CSMD3: variants seen among roughly 807,000 people sequenced by gnomAD.
CSMD3 encodes the protein CUB and sushi domain-containing protein 3.
A neutral mutation model predicts 435.2 loss-of-function variants in CSMD3; 177 were observed. That is an observed-to-expected ratio of 0.41 (90% CI 0.36 to 0.46). The LOEUF (loss-of-function observed/expected upper bound fraction) is 0.46, where lower values mean the gene tolerates loss of function less well. Among genes scored for constraint, CSMD3 ranks in the 20% least tolerant of loss-of-function variants. The pLI, the probability that CSMD3 is intolerant of heterozygous loss-of-function variation, is 0.34. For missense variants in CSMD3, 4,265 were observed against 4,504.6 expected (o/e 0.95, Z 1.52); for synonymous variants, 1,656 against 1,520.5 (o/e 1.09, Z -2.07).
intron 1 of CSMD3, among the ~76,000 whole-genome samples, chr8:113,350,310 T>A (rs1355937816): frequency 6.6e-6 from 1 of 152,120 alleles, no homozygotes; most frequent in Non-Finnish European, 1.5e-5. Flanking sequence ...CTGACATATA[T>A]AAGGAACTAC....
chr8:112,591,747 A>G (rs1477363095), intron 22 of CSMD3, among the ~76,000 whole-genome samples: 1 of 152,100 alleles, frequency 6.6e-6, no homozygotes, highest in Admixed American at 6.5e-5. Flanking sequence ...AAGAAAAATA[A>G]TAATACATGA....
Position 112,794,285 on chromosome 8 carries a change from C to CTTT in CSMD3, c.1972+5874_1972+5876dup, listed in dbSNP as rs1203991072. Among the ~76,000 whole-genome samples the CTTT allele has an allele frequency of 2.1e-3, 201 of 96,342 alleles. 39 individuals carry two copies. Among genetic ancestry groups the CTTT allele is most frequent in the East Asian group, 3.9e-3 (10 of 2,562 alleles). 63.2% of individuals were successfully genotyped at this position (96,342 alleles called of 152,430 possible). A position where few individuals can be genotyped will look rare whatever the true frequency, so the allele number is the denominator to read the frequency against. ...TTGCCCCAGATGCTGGACTGATAAA[C>CTTT]TTTTTTTTTTTTTTTTTTTTTTTTT... On this transcript the variant is annotated intron_variant, in intron 13 of 70. Transcript: ENST00000297405.
intron 5 of CSMD3, among the ~76,000 whole-genome samples, chr8:113,082,372 T>C (rs888283417): frequency 1.3e-5 from 2 of 152,160 alleles, no homozygotes; most frequent in Non-Finnish European, 2.9e-5. Flanking sequence ...CTCACAGATA[T>C]CACTGAAATT....
At chr8:112,738,139 A>C (rs2077226170) in intron 13 of CSMD3, among the ~76,000 whole-genome samples, 1 of 151,746 alleles carries the variant, frequency 6.6e-6, no homozygotes, top group African/African-American at 2.4e-5. Flanking sequence ...GGGGGGAAGA[A>C]ATATTTCAGG....
At chr8:113,290,649 T>G (rs927238080) in intron 2 of CSMD3, among the ~76,000 whole-genome samples, 3 of 151,796 alleles carry the variant, frequency 2.0e-5, no homozygotes, top group Admixed American at 6.6e-5. Flanking sequence ...TAATCTGTCT[T>G]CATTGGAATA....
chr8:112,744,070 G>A (rs1185797809), intron 13 of CSMD3, among the ~76,000 whole-genome samples: 2 of 151,936 alleles, frequency 1.3e-5, no homozygotes, highest in Non-Finnish European at 2.9e-5. Flanking sequence ...TATAAAAAAA[G>A]ACAGAACTAA....
At chr8:112,983,882 G>A (rs1453792563) in intron 6 of CSMD3, among the ~76,000 whole-genome samples, 2 of 152,052 alleles carry the variant, frequency 1.3e-5, no homozygotes, top group African/African-American at 4.8e-5. Flanking sequence ...AGCAACTGGT[G>A]AGAAGCTGCA....
chr8:112,868,628 G>T (rs1435958067), intron 10 of CSMD3, among the ~76,000 whole-genome samples: 1 of 152,098 alleles, frequency 6.6e-6, no homozygotes, highest in Non-Finnish European at 1.5e-5. Flanking sequence ...CAAAGCTACA[G>T]TAATCATAAC....
intron 31 of CSMD3, among the ~76,000 whole-genome samples, chr8:112,484,381 G>A (rs1819917735): frequency 6.6e-6 from 1 of 151,930 alleles, no homozygotes; most frequent in Admixed American, 6.6e-5. Context: ...ATAAGGTAAT[G>A]TTACTATTAC....
At chr8:113,198,488 A>G (rs538037669) in intron 3 of CSMD3, among the ~76,000 whole-genome samples, 1 of 151,378 alleles carries the variant, frequency 6.6e-6, no homozygotes, top group East Asian at 1.9e-4. Flanking sequence ...AAACATACAC[A>G]TACTAAATTG....
intron 32 of CSMD3, among the ~76,000 whole-genome samples, chr8:112,441,164 G>A (rs182528540): frequency 5.7e-4 from 87 of 152,108 alleles, no homozygotes; most frequent in African/African-American, 1.8e-3. Context: ...TCTCTCTCAA[G>A]TTCAAAGTTC....
intron 10 of CSMD3, 24 bp from the exon 11 acceptor site, chr8:112,859,290 A>G: frequency 3.1e-6 from 5 of 1,600,782 alleles, no homozygotes; most frequent in Non-Finnish European, 1.7e-6. Flanking sequence ...TGCATTTTAA[A>G]AGATGAACAT....
At position 112,313,978 on chromosome 8, in the gene CSMD3, C is replaced by G. The variant is rs373838246; in HGVS notation, c.7624G>C (p.Gly2542Arg). 3 of 1,610,858 alleles carry G rather than the reference C, an allele frequency of 1.9e-6. No individual in the cohort carries two copies. Among genetic ancestry groups the G allele is most frequent in the Non-Finnish European group, 2.5e-6 (3 of 1,177,390 alleles). ...GACCACTGAAGAAATACTTCATGAC[C>G]ATTGCTTGTTATATTAAAAGCAGAT... Reference protein sequence around the residue: ...YSSAFNITSNGHEVFLQWSAD... With the variant: ...YSSAFNITSNRHEVFLQWSAD... The change falls in exon 49 of 71, where the codon GGT becomes CGT. Residue 2542 changes from glycine (G) to arginine (R), a missense_variant. Around this residue, in one of 3 missense-constraint regions of CSMD3, gnomAD observed 3,255 missense variants for 3,380.2 expected, o/e 0.96. Transcript: ENST00000297405.
intron 13 of CSMD3, among the ~76,000 whole-genome samples, chr8:112,791,035 C>A (rs2078675185): frequency 6.6e-6 from 1 of 151,938 alleles, no homozygotes. Context: ...AGATAATGAA[C>A]ATTAAGGCCA....
intron 32 of CSMD3, among the ~76,000 whole-genome samples, chr8:112,470,084 C>G (rs994721441): frequency 3.3e-5 from 5 of 152,036 alleles, no homozygotes; most frequent in Non-Finnish European, 7.4e-5. Flanking sequence ...GAAGGTAATA[C>G]GAAGAAGTCA....
intron 38 of CSMD3, among the ~76,000 whole-genome samples, chr8:112,365,009 T>G (rs778238899): frequency 6.6e-6 from 1 of 152,102 alleles, no homozygotes; most frequent in Non-Finnish European, 1.5e-5. Context: ...ATGTTCCTAA[T>G]ACAAGTAATG....
At chr8:112,852,331 A>G (rs965724246) in intron 11 of CSMD3, among the ~76,000 whole-genome samples, 2 of 152,076 alleles carry the variant, frequency 1.3e-5, no homozygotes, top group East Asian at 3.9e-4. Context: ...TGAAATTTGG[A>G]TTTTTTTGTT....
At chr8:113,113,444 A>T (rs1293368612) in intron 4 of CSMD3, among the ~76,000 whole-genome samples, 1 of 152,186 alleles carries the variant, frequency 6.6e-6, no homozygotes, top group Non-Finnish European at 1.5e-5. Flanking sequence ...CACAGTAGAA[A>T]AAAAGATAGA....
chr8:113,149,292 C>G (rs1564367267), intron 4 of CSMD3, among the ~76,000 whole-genome samples: 1 of 151,826 alleles, frequency 6.6e-6, no homozygotes, highest in Non-Finnish European at 1.5e-5. Context: ...CAGCCAAATT[C>G]CTAACATAGG....
Sources: gnomAD v4.1 joint callset for allele counts (sites outside exome capture counted in the v4.1 genomes callset) on GRCh38, gnomAD v4.1.1 for gene constraint, gnomAD v4.1.1 regional missense constraint, MANE v1.5 for transcripts, NCBI Gene and HGNC (gene_info 2026-07-23, HGNC 2026-07-21) for gene names.